CXXC4: variants seen among roughly 807,000 people sequenced by gnomAD.
CXXC4 encodes CXXC-type zinc finger protein 4.
CXXC4 carries 5 observed loss-of-function variants against 20.5 expected under a neutral mutation model. The ratio of observed to expected loss-of-function variants is 0.24; its 90% CI spans 0.13 to 0.51. CXXC4 has a LOEUF of 0.51. Among genes scored for constraint, CXXC4 ranks in the 20% least tolerant of loss-of-function variants. The pLI is 0.97. For synonymous variants in CXXC4, 250 were observed against 216.4 expected, an observed-to-expected ratio of 1.16 and a Z score of -1.36; for missense variants, 419 against 496.4, an observed-to-expected ratio of 0.84 and a Z score of 1.48.
chr4:104,473,476 C>A (rs1467366780), intron 2 of CXXC4, among the ~76,000 whole-genome samples: 1 of 151,820 alleles, frequency 6.6e-6, no homozygotes, highest in African/African-American at 2.4e-5. Context: ...TTTCTATGTA[C>A]ATTAACATCT....
At chr4:104,480,768 G>A (rs1052784283) in intron 2 of CXXC4, among the ~76,000 whole-genome samples, 7 of 151,658 alleles carry the variant, frequency 4.6e-5, no homozygotes, top group South Asian at 2.1e-4. Flanking sequence ...TTGCCAATAC[G>A]CCCCTTTCTG....
Position 104,491,727 on chromosome 4 carries a change from C to T in CXXC4, c.76G>A (p.Glu26Lys). The part of the protein sequence containing the change: ...PGLPKESHLP[E>K]GALNSLVDYN... ...TCCACAAGGCTGTTCAGAGCCCCCT[C>T]GGGCAAGTGGCTTTCCTTGGGCAAG... Residue 26 changes from glutamate to lysine, a missense_variant, in exon 2 of 3, where the codon GAG (glutamate) becomes AAG (lysine). Around this residue, in one of 3 missense-constraint regions of CXXC4, gnomAD observed 388 missense variants for 416.0 expected, o/e 0.93. Transcript: ENST00000394767. The T allele has an allele frequency of 6.5e-7, 1 of 1,544,326 alleles. No individual in the cohort carries two copies. Among genetic ancestry groups the T allele is most frequent in the Non-Finnish European group, 8.7e-7 (1 of 1,144,210 alleles).
chr4:104,492,273 T>TC (rs1007596758), intron 1 of CXXC4, among the ~76,000 whole-genome samples: 3 of 85,668 alleles, frequency 3.5e-5, no homozygotes, highest in African/African-American at 1.4e-4. Context: ...CCACAGCTCC[T>TC]CCCCCCTATT....
Position 104,479,991 on chromosome 4 carries a change from T to C in CXXC4, c.1060-7625A>G, listed in dbSNP as rs374021791. Among the ~76,000 whole-genome samples, 109 of 152,320 alleles carry C rather than the reference T, an allele frequency of 7.2e-4. 3 individuals carry two copies. The South Asian group carries it at 0.014, about 19-fold the overall frequency. ...ATTAATTTAATTTTTATCAAGTCTT[T>C]ATATGTTTCTTAACTGTTTAGAAAT... On this transcript the variant is annotated intron_variant, in intron 2 of 2. Transcript: ENST00000394767.
chr4:104,494,426 A>T (rs969193624), intron 1 of CXXC4: 1 of 152,170 alleles, frequency 6.6e-6, no homozygotes, highest in African/African-American at 2.4e-5. Flanking sequence ...CAGCATTAAT[A>T]ATCTACTTTC....
chr4:104,468,785 C>A lies in CXXC4; in HGVS notation c.*3537G>T, dbSNP rs1578310969. ...GTGAATCTAACCATGATCAAAGACC[C>A]GCTACGGCTTTTTGCTGAACATATT... On this transcript the variant is annotated 3_prime_UTR_variant, in exon 3 of 3. Transcript: ENST00000394767. 1 of 151,692 alleles carries A rather than the reference C, an allele frequency of 6.6e-6. No homozygotes were observed. Among genetic ancestry groups the A allele is most frequent in the Non-Finnish European group, 1.5e-5 (1 of 67,920 alleles). The allele number at this position is 151,692 out of a possible 1,614,324, so 9.4% of individuals were successfully genotyped here.
Position 104,494,661 on chromosome 4 carries a change from G to A in CXXC4, c.-258+40C>T, listed in dbSNP as rs1425389987. The A allele has an allele frequency of 2.1e-5, 2 of 95,178 alleles. 1 individual carries two copies. The highest frequency in any genetic ancestry group is 6.9e-5 in the African/African-American group (2 of 29,138). 5.9% of individuals were successfully genotyped at this position (95,178 alleles called of 1,614,324 possible). A position where few individuals can be genotyped will look rare whatever the true frequency, so the allele number is the denominator to read the frequency against. Reference sequence around the variant, plus strand: ...TTAATACTTGTAAACAAACTGTTGGGGGGGGGGGGGTAAATAAATATGCGG... The same window carrying A: ...TTAATACTTGTAAACAAACTGTTGGAGGGGGGGGGGTAAATAAATATGCGG... On this transcript the variant is annotated intron_variant, in intron 1 of 2. Transcript: ENST00000394767.
At chr4:104,493,067 T>TTG (rs1176242985) in intron 1 of CXXC4, among the ~76,000 whole-genome samples, 2 of 151,342 alleles carry the variant, frequency 1.3e-5, no homozygotes, top group African/African-American at 4.9e-5. Context: ...GGCTTTAACG[T>TTG]GTTCTTTGCC....
chr4:104,486,254 C>T (rs1314058935), intron 2 of CXXC4, among the ~76,000 whole-genome samples: 2 of 152,138 alleles, frequency 1.3e-5, no homozygotes, highest in East Asian at 1.9e-4. Context: ...GTTAAAATTA[C>T]ATGTATTTAC....
In CXXC4 at chr4:104,471,364, G is replaced by A. The variant is rs1262883768; in HGVS notation, c.*958C>T. The A allele has an allele frequency of 6.6e-6, 1 of 151,852 alleles. No individual in the cohort carries two copies. The highest frequency in any genetic ancestry group is 1.5e-5 in the Non-Finnish European group (1 of 67,926). The allele number at this position is 151,852 out of a possible 1,614,324, so 9.4% of individuals were successfully genotyped here. A position where few individuals can be genotyped will look rare whatever the true frequency, so the allele number is the denominator to read the frequency against. ...AAACGTATACAGCCCATATTGGGCT[G>A]GGGAAAAAATGTCAGTTATAAATTT... is the stretch of plus-strand genomic sequence containing the variant. On this transcript the variant is annotated 3_prime_UTR_variant, in exon 3 of 3. Transcript: ENST00000394767.
intron 2 of CXXC4, among the ~76,000 whole-genome samples, chr4:104,484,973 AG>A (rs1736646617): frequency 6.6e-6 from 1 of 152,070 alleles, no homozygotes; most frequent in South Asian, 2.1e-4. Context: ...TAATAATAGC[AG>A]CAAAATGCTA....
Position 104,471,524 on chromosome 4 carries a change from A to C in CXXC4, c.*798T>G, listed in dbSNP as rs1023684211. 2 of 152,078 alleles carry C rather than the reference A, an allele frequency of 1.3e-5. No individual in the cohort carries two copies. The highest frequency in any genetic ancestry group is 2.9e-5 in the Non-Finnish European group (2 of 67,956). 9.4% of individuals were successfully genotyped at this position (152,078 alleles called of 1,614,324 possible). A position where few individuals can be genotyped will look rare whatever the true frequency, so the allele number is the denominator to read the frequency against. ...TTACAGTGCAACCCAAGACAAGTCAACTACACTAAGTATTTGGGAGGTATA... is the reference window on the plus strand; with the variant it reads ...TTACAGTGCAACCCAAGACAAGTCACCTACACTAAGTATTTGGGAGGTATA... On this transcript the variant is annotated 3_prime_UTR_variant, in exon 3 of 3. Coordinates refer to ENST00000394767, the MANE Select transcript of CXXC4 (RefSeq NM_025212.4).
chr4:104,483,456 G>A (rs1335297678), intron 2 of CXXC4, among the ~76,000 whole-genome samples: 2 of 151,836 alleles, frequency 1.3e-5, no homozygotes, highest in East Asian at 3.9e-4. Context: ...CAGCTATTCC[G>A]ATTAATGCTT....
intron 2 of CXXC4, among the ~76,000 whole-genome samples, chr4:104,474,326 T>G (rs1323191434): frequency 6.6e-6 from 1 of 152,060 alleles, no homozygotes; most frequent in East Asian, 1.9e-4. Flanking sequence ...ACTTCTTTAC[T>G]ACTTTCTAAA....
Position 104,490,901 on chromosome 4 carries a change from G to C in CXXC4, c.902C>G (p.Ala301Gly). 1.2e-6 allele frequency: 2 copies of C among 1,614,124 alleles called. No homozygotes were observed. Among genetic ancestry groups the C allele is most frequent in the Non-Finnish European group, 1.7e-6 (2 of 1,180,026 alleles). ...CCCACACCTTTTCCTCTTCTTCTTG[G>C]CTGGGTTGGCTCCGCCAGCTCCCCC... Reference protein sequence around the residue: ...SSGGAGGANPAKKKRKRCGVC... With the variant: ...SSGGAGGANPGKKKRKRCGVC... The change falls in exon 2 of 3, where the codon GCC becomes GGC. Residue 301 changes from alanine to glycine, a missense_variant. Ala to Gly is a moderately conservative substitution (Grantham distance 60, BLOSUM62 0). This residue lies in a region of CXXC4 where 388 missense variants were observed against 416.0 expected (regional missense o/e 0.93). Transcript: ENST00000394767.
intron 1 of CXXC4, among the ~76,000 whole-genome samples, chr4:104,492,494 G>A (rs1321271811): frequency 2.6e-5 from 4 of 152,076 alleles, no homozygotes; most frequent in Non-Finnish European, 4.4e-5. Context: ...ATGCTGTAAA[G>A]TAGAAAACAG....
At chr4:104,483,859 G>A (rs1736615335) in intron 2 of CXXC4, among the ~76,000 whole-genome samples, 1 of 151,928 alleles carries the variant, frequency 6.6e-6, no homozygotes, top group African/African-American at 2.4e-5. Context: ...AGGAGAAAGA[G>A]CACTAAATAA....
In CXXC4 at chr4:104,491,108, C is replaced by G; in HGVS notation, c.695G>C (p.Arg232Pro). Reference protein sequence around the residue: ...AEAEIMNLPERVGTFSAIPAL... With the variant: ...AEAEIMNLPEPVGTFSAIPAL... ...CGGGATAGCGGAAAAAGTCCCCACG[C>G]GCTCGGGGAGATTCATTATCTCTGC... The change falls in exon 2 of 3, where the codon CGC becomes CCC. Residue 232 changes from arginine (R) to proline (P), a missense_variant. Physicochemically the swap from Arg to Pro is moderately radical, Grantham distance 103 (BLOSUM62 -2). Around this residue, in one of 3 missense-constraint regions of CXXC4, gnomAD observed 388 missense variants for 416.0 expected, o/e 0.93. Coordinates refer to ENST00000394767, the MANE Select transcript of CXXC4 (RefSeq NM_025212.4). The G allele has an allele frequency of 6.2e-7, 1 of 1,614,094 alleles. No individual in the cohort carries two copies. The highest frequency in any genetic ancestry group is 8.5e-7 in the Non-Finnish European group (1 of 1,180,016).
chr4:104,475,792 G>T (rs1046365944), intron 2 of CXXC4, among the ~76,000 whole-genome samples: 1 of 152,082 alleles, frequency 6.6e-6, no homozygotes, highest in Admixed American at 6.6e-5. Context: ...GCTTGCAGGG[G>T]ATCTTTATCC....
Sources: gnomAD v4.1 joint callset for allele counts (sites outside exome capture counted in the v4.1 genomes callset) on GRCh38, gnomAD v4.1.1 for gene constraint, gnomAD v4.1.1 regional missense constraint, MANE v1.5 for transcripts, NCBI Gene and HGNC (gene_info 2026-07-23, HGNC 2026-07-21) for gene names.